The following MARCHF1 variants were observed in gnomAD, a reference collection of about 807,000 sequenced individuals.
The protein encoded by MARCHF1 is membrane associated ring-CH-type finger 1.
A neutral mutation model predicts 54.2 loss-of-function variants in MARCHF1; 40 were observed. The ratio of observed to expected loss-of-function variants is 0.74; its 90% CI spans 0.57 to 0.96. The LOEUF (loss-of-function observed/expected upper bound fraction) is 0.96, where lower values mean the gene tolerates loss of function less well. Ranked by LOEUF, MARCHF1 falls within the 40% of genes least tolerant of loss-of-function variation. The probability of loss-of-function intolerance (pLI) is 0.00; values close to 1 mark genes in which losing one functional copy is unlikely to be tolerated. For missense variants in MARCHF1, 586 were observed against 656.5 expected (o/e 0.89, Z 1.17); for synonymous variants, 236 against 236.3 (o/e 1.00, Z 0.01).
chr4:163,608,542 G>A (rs1741218002), intron 7 of MARCHF1, among the ~76,000 whole-genome samples: 1 of 152,058 alleles, frequency 6.6e-6, no homozygotes, highest in African/African-American at 2.4e-5. Context: ...ATTCATGTTT[G>A]TTTGCCTTTT....
chr4:164,079,056 A>G (rs897931233), intron 2 of MARCHF1, among the ~76,000 whole-genome samples: 4 of 152,202 alleles, frequency 2.6e-5, no homozygotes, highest in Non-Finnish European at 5.9e-5. Flanking sequence ...ATGAAGGTTC[A>G]GCATCTTTTT....
intron 1 of MARCHF1, among the ~76,000 whole-genome samples, chr4:164,132,015 T>C (rs1756310518): frequency 6.6e-6 from 1 of 152,136 alleles, no homozygotes; most frequent in South Asian, 2.1e-4. Flanking sequence ...TATTGATTCT[T>C]AACAGTAAGA....
At chr4:164,139,602 C>T (rs1020748626) in intron 1 of MARCHF1, among the ~76,000 whole-genome samples, 1 of 151,954 alleles carries the variant, frequency 6.6e-6, no homozygotes, top group Non-Finnish European at 1.5e-5. Context: ...CAGAAATGAC[C>T]TGTGGTATTT....
rs574972922 is a variant in MARCHF1 at position 163,950,593 on chromosome 4, G to A, written c.-39+37908C>T. 8.8e-4 allele frequency among the ~76,000 whole-genome samples: 134 copies of A among 152,296 alleles called. 1 individual carries two copies. Among genetic ancestry groups the A allele is most frequent in the African/African-American group, 3.0e-3 (124 of 41,572 alleles). On this transcript the variant is annotated intron_variant, in intron 3 of 9. Transcript: ENST00000514618. ...GCCCCTCCCACTTGGAAGGGGGCAT[G>A]GCTTCTTCCTGTTCCCAGCTCCCGC...
intron 4 of MARCHF1, among the ~76,000 whole-genome samples, chr4:163,754,971 C>T (rs1490748675): frequency 6.6e-6 from 1 of 152,106 alleles, no homozygotes; most frequent in African/African-American, 2.4e-5. Flanking sequence ...TCTCACTATC[C>T]ATTTAAGTTT....
intron 4 of MARCHF1, among the ~76,000 whole-genome samples, chr4:163,842,115 C>T (rs556529818): frequency 6.6e-6 from 1 of 151,920 alleles, no homozygotes; most frequent in Non-Finnish European, 1.5e-5. Flanking sequence ...ACAAATTAAG[C>T]CTAAAAAAGA....
At chr4:164,252,069 A>C (rs963730864) in intron 1 of MARCHF1, among the ~76,000 whole-genome samples, 4 of 152,212 alleles carry the variant, frequency 2.6e-5, no homozygotes, top group Non-Finnish European at 5.9e-5. Flanking sequence ...AATTTTTAAA[A>C]ATCTGCCTAC....
At chr4:163,867,970 T>C (rs1750090322) in intron 3 of MARCHF1, among the ~76,000 whole-genome samples, 1 of 151,872 alleles carries the variant, frequency 6.6e-6, no homozygotes, top group Non-Finnish European at 1.5e-5. Flanking sequence ...CAGCAATATT[T>C]TGCCTGGTTA....
chr4:163,723,732 C>A (rs533275553), intron 4 of MARCHF1, among the ~76,000 whole-genome samples: 1 of 152,106 alleles, frequency 6.6e-6, no homozygotes, highest in Admixed American at 6.6e-5. Context: ...TCTTTTTACT[C>A]TTTTTTCTCT....
chr4:163,820,423 T>C (rs941084100), intron 4 of MARCHF1, among the ~76,000 whole-genome samples: 1 of 152,098 alleles, frequency 6.6e-6, no homozygotes, highest in Non-Finnish European at 1.5e-5. Context: ...TAGACTTTTT[T>C]CTTGGCCTTT....
At chr4:164,306,288 G>A (rs182774897) in intron 1 of MARCHF1, among the ~76,000 whole-genome samples, 191 of 152,012 alleles carry the variant, frequency 1.3e-3, no homozygotes, top group Middle Eastern at 6.8e-3. Context: ...CATTTTTCTT[G>A]GCTGAAATTC....
intron 2 of MARCHF1, among the ~76,000 whole-genome samples, chr4:164,017,686 GTTTA>G (rs746115204): frequency 2.8e-4 from 43 of 151,778 alleles, no homozygotes; most frequent in Non-Finnish European, 5.5e-4. Context: ...ATTATTGTAC[GTTTA>G]TTTGAGTATC....
At chr4:164,010,919 G>C (rs566507074) in intron 2 of MARCHF1, among the ~76,000 whole-genome samples, 1 of 152,108 alleles carries the variant, frequency 6.6e-6, no homozygotes, top group African/African-American at 2.4e-5. Flanking sequence ...CAGACACATA[G>C]ACCAATAGAA....
At chr4:164,230,777 A>C (rs914341867) in intron 1 of MARCHF1, among the ~76,000 whole-genome samples, 1 of 152,130 alleles carries the variant, frequency 6.6e-6, no homozygotes, top group African/African-American at 2.4e-5. Context: ...ATTCAGAAGG[A>C]ATTTGTTATG....
chr4:163,567,770 G>A (rs1347034873), intron 8 of MARCHF1, among the ~76,000 whole-genome samples: 1 of 152,020 alleles, frequency 6.6e-6, no homozygotes, highest in East Asian at 1.9e-4. Flanking sequence ...GCTCAGTCTC[G>A]GGTATGTCTT....
intron 1 of MARCHF1, among the ~76,000 whole-genome samples, chr4:164,303,712 C>A (rs1209418632): frequency 1.2e-4 from 17 of 145,242 alleles, no homozygotes; most frequent in Non-Finnish European, 3.0e-5. Context: ...TTTCCTACCA[C>A]AGCCACTGCA....
intron 1 of MARCHF1, among the ~76,000 whole-genome samples, chr4:164,161,566 G>T (rs1275973082): frequency 1.1e-4 from 16 of 144,364 alleles, no homozygotes; most frequent in African/African-American, 3.2e-4. Context: ...AGCAGCAGCA[G>T]CAGCAGCAGG....
At chr4:164,300,915 A>G (rs139903607) in intron 1 of MARCHF1, among the ~76,000 whole-genome samples, 6 of 152,308 alleles carry the variant, frequency 3.9e-5, no homozygotes, top group Non-Finnish European at 5.9e-5. Flanking sequence ...CCAAAAAAGG[A>G]GGCGACACTT....
intron 1 of MARCHF1, among the ~76,000 whole-genome samples, chr4:164,228,067 G>C (rs1046654311): frequency 2.6e-5 from 4 of 152,136 alleles, no homozygotes; most frequent in Non-Finnish European, 5.9e-5. Context: ...CAGAATGTAA[G>C]CAAGGTATTA....
Sources: allele counts gnomAD v4.1 joint callset (sites outside exome capture counted in the v4.1 genomes callset), GRCh38; gene constraint gnomAD v4.1.1; transcripts MANE v1.5; gene names NCBI Gene and HGNC (gene_info 2026-07-23, HGNC 2026-07-21).